The following GRIP1 variants were observed in gnomAD, a reference collection of about 807,000 sequenced individuals.
GRIP1 encodes the protein glutamate receptor interacting protein 1.
GRIP1 carries 45 observed loss-of-function variants against 129.9 expected under a neutral mutation model. That is an observed-to-expected ratio of 0.35 (90% CI 0.27 to 0.44). The LOEUF (loss-of-function observed/expected upper bound fraction) is 0.44, where lower values mean the gene tolerates loss of function less well. Ranked by LOEUF, GRIP1 falls within the 20% of genes least tolerant of loss-of-function variation. The pLI is 1.00. For synonymous variants in GRIP1, 530 were observed against 520.8 expected (o/e 1.02, Z -0.24); for missense variants, 1,196 against 1,396.8 (o/e 0.86, Z 2.29).
chr12:66,392,636 C>T (rs1565693957), intron 18 of GRIP1, 41 bp downstream of exon 18: 1 of 1,610,080 alleles, frequency 6.2e-7, no homozygotes, highest in Non-Finnish European at 8.5e-7. Context: ...GAAGAAAATG[C>T]ACTGGAAATC....
chr12:66,598,374 A>T (rs2064138371), intron 1 of GRIP1, among the ~76,000 whole-genome samples: 2 of 152,204 alleles, frequency 1.3e-5, no homozygotes, highest in South Asian at 4.1e-4. Context: ...TTGTCACACA[A>T]TTTTTTATAT....
At chr12:66,525,856 C>T (rs1481307124) in intron 5 of GRIP1, among the ~76,000 whole-genome samples, 1 of 151,522 alleles carries the variant, frequency 6.6e-6, no homozygotes, top group East Asian at 1.9e-4. Context: ...AATCAATGTA[C>T]AAAAATCACA....
At chr12:66,729,106 T>G (rs2036348528) in intron 1 of GRIP1, among the ~76,000 whole-genome samples, 1 of 151,978 alleles carries the variant, frequency 6.6e-6, no homozygotes, top group Admixed American at 6.6e-5. Context: ...CAGGCTAGAC[T>G]TAAACTCCTA....
intron 1 of GRIP1, among the ~76,000 whole-genome samples, chr12:66,876,151 G>C (rs2040378958): frequency 6.6e-6 from 1 of 151,822 alleles, no homozygotes; most frequent in Admixed American, 6.6e-5. Flanking sequence ...GATCAAACTG[G>C]AATGAAAACT....
chr12:67,023,729 T>G (rs749322259), intron 1 of GRIP1, among the ~76,000 whole-genome samples: 1 of 152,094 alleles, frequency 6.6e-6, no homozygotes, highest in Admixed American at 6.6e-5. Context: ...ACTCTCACCC[T>G]TTCCTCCCTC....
chr12:66,779,508 C>T (rs768548011), intron 1 of GRIP1, among the ~76,000 whole-genome samples: 14 of 152,142 alleles, frequency 9.2e-5, no homozygotes, highest in Admixed American at 2.6e-4. Flanking sequence ...GAATGTCACA[C>T]GTTTATTGTA....
At chr12:66,819,075 T>G (rs575044705) in intron 1 of GRIP1, among the ~76,000 whole-genome samples, 10 of 152,356 alleles carry the variant, frequency 6.6e-5, no homozygotes, top group Admixed American at 5.2e-4. Context: ...ATTTTAACAT[T>G]TTTGTTTCCC....
rs569407772 is a variant in GRIP1 at position 66,487,838 on chromosome 12, C to T, written c.725-22416G>A. ...AAAAAAGCAGGGTTTGCAATCCTAG[C>T]TTTTGACAAAACAGACTTTAAACCA... On this transcript the variant is annotated intron_variant, in intron 7 of 24. Coordinates refer to ENST00000359742, the MANE Select transcript of GRIP1 (RefSeq NM_001366722.1). 1.3e-3 allele frequency among the ~76,000 whole-genome samples: 200 copies of T among 152,016 alleles called. 1 individual carries two copies. Among genetic ancestry groups the T allele is most frequent in the South Asian group, 6.9e-3 (33 of 4,796 alleles).
chr12:66,916,667 G>A (rs541667207), intron 1 of GRIP1, among the ~76,000 whole-genome samples: 2 of 151,562 alleles, frequency 1.3e-5, no homozygotes, highest in African/African-American at 4.9e-5. Context: ...TTAAAAAAAC[G>A]ATTATTCAAA....
At chr12:66,509,480 T>C (rs906700455) in intron 7 of GRIP1, among the ~76,000 whole-genome samples, 1 of 152,142 alleles carries the variant, frequency 6.6e-6, no homozygotes, top group African/African-American at 2.4e-5. Flanking sequence ...AGGCACTGTA[T>C]TTTACTACAG....
At chr12:66,979,577 C>T (rs1246179944) in intron 1 of GRIP1, among the ~76,000 whole-genome samples, 5 of 152,038 alleles carry the variant, frequency 3.3e-5, no homozygotes, top group Admixed American at 6.6e-5. Context: ...AACCTCAGTT[C>T]TGAGAGACAC....
At chr12:66,813,589 C>T (rs1356545942) in intron 1 of GRIP1, among the ~76,000 whole-genome samples, 1 of 152,130 alleles carries the variant, frequency 6.6e-6, no homozygotes, top group African/African-American at 2.4e-5. Context: ...GGAGGAGACA[C>T]AACTTGAGCA....
intron 24 of GRIP1, among the ~76,000 whole-genome samples, chr12:66,352,408 A>G (rs1300881527): frequency 6.6e-6 from 1 of 152,184 alleles, no homozygotes; most frequent in Non-Finnish European, 1.5e-5. Flanking sequence ...AGCATACACC[A>G]TTCCTGAAAC....
chr12:66,963,407 T>C (rs1271202205), intron 1 of GRIP1, among the ~76,000 whole-genome samples: 1 of 152,188 alleles, frequency 6.6e-6, no homozygotes, highest in African/African-American at 2.4e-5. Flanking sequence ...CTAAAGGCTT[T>C]ACATGTATTT....
chr12:66,615,830 A>C (rs963733054), intron 1 of GRIP1, among the ~76,000 whole-genome samples: 3 of 151,978 alleles, frequency 2.0e-5, no homozygotes, highest in Non-Finnish European at 4.4e-5. Context: ...TTTTTAGTAG[A>C]GGCAGGGTTT....
intron 7 of GRIP1, among the ~76,000 whole-genome samples, chr12:66,471,817 G>A (rs545288221): frequency 1.3e-5 from 2 of 152,144 alleles, no homozygotes; most frequent in Non-Finnish European, 2.9e-5. Flanking sequence ...TCAAGGTTGA[G>A]ATATAAGATT....
At chr12:66,462,328 C>T (rs2059158432) in intron 9 of GRIP1, among the ~76,000 whole-genome samples, 1 of 152,188 alleles carries the variant, frequency 6.6e-6, no homozygotes, top group Admixed American at 6.5e-5. Flanking sequence ...ATCCACTTTA[C>T]TTATTTATTT....
intron 16 of GRIP1, among the ~76,000 whole-genome samples, chr12:66,397,882 C>A (rs1424602638): frequency 6.6e-6 from 1 of 152,132 alleles, no homozygotes; most frequent in African/African-American, 2.4e-5. Context: ...TAATAACAAG[C>A]CTTTGAAAAA....
intron 1 of GRIP1, chr12:66,891,849 T>C (rs2040664593): frequency 6.6e-6 from 1 of 152,094 alleles, no homozygotes; most frequent in South Asian, 2.1e-4. Flanking sequence ...CTTAAGAAAA[T>C]TCCACCATGT....
Sources: allele counts gnomAD v4.1 joint callset (sites outside exome capture counted in the v4.1 genomes callset), GRCh38; gene constraint gnomAD v4.1.1; transcripts MANE v1.5; gene names NCBI Gene and HGNC (gene_info 2026-07-23, HGNC 2026-07-21).